Variants in LRRC7 observed in about 807,000 individuals in gnomAD.
LRRC7 encodes the protein leucine-rich repeat-containing protein 7.
In LRRC7, 23 loss-of-function variants were observed where a neutral mutation model predicts 175.7. That is an observed-to-expected ratio of 0.13 (90% CI 0.09 to 0.19). The LOEUF is 0.19. LRRC7 is among the 10% of genes least tolerant of loss of function. The pLI is 1.00. For synonymous variants in LRRC7, 685 were observed against 680.9 expected (o/e 1.01, Z -0.09); for missense variants, 1,354 against 1,904.7 (o/e 0.71, Z 5.38).
intron 4 of LRRC7, among the ~76,000 whole-genome samples, chr1:69,813,696 T>G (rs1399169194): frequency 1.3e-5 from 2 of 152,162 alleles, no homozygotes; most frequent in South Asian, 4.1e-4. Flanking sequence ...AGCCTAGGTT[T>G]GAATATAACC....
chr1:69,780,520 G>T (rs1028676347), intron 3 of LRRC7, among the ~76,000 whole-genome samples: 1 of 152,158 alleles, frequency 6.6e-6, no homozygotes, highest in East Asian at 1.9e-4. Flanking sequence ...AGAGATAAAG[G>T]GAGGGAGAAA....
intron 25 of LRRC7, among the ~76,000 whole-genome samples, chr1:70,095,618 C>T (rs1046692012): frequency 7.9e-5 from 12 of 151,996 alleles, no homozygotes; most frequent in Admixed American, 2.6e-4. Context: ...TGAAAAATGT[C>T]GGTATCTAGA....
chr1:70,024,401 T>C (rs1206292616), intron 17 of LRRC7, among the ~76,000 whole-genome samples: 3 of 151,830 alleles, frequency 2.0e-5, no homozygotes, highest in East Asian at 1.9e-4. Context: ...TGCTAAATTT[T>C]TGGGGGTCTC....
At chr1:70,101,170 C>G (rs114070306) in intron 25 of LRRC7, among the ~76,000 whole-genome samples, 1 of 152,108 alleles carries the variant, frequency 6.6e-6, no homozygotes, top group African/African-American at 2.4e-5. Context: ...AAAATTGAAT[C>G]TATGGCTCTG....
intron 1 of LRRC7, chr1:69,608,449 A>G (rs1243092189): frequency 2.0e-5 from 3 of 152,084 alleles, no homozygotes; most frequent in Non-Finnish European, 2.9e-5. Context: ...TGTCTGCTGT[A>G]GTTGCCCACT....
At chr1:69,581,272 A>G (rs1411076443) in intron 1 of LRRC7, among the ~76,000 whole-genome samples, 5 of 152,292 alleles carry the variant, frequency 3.3e-5, no homozygotes, top group Admixed American at 2.6e-4. Context: ...TGAAGGTGAG[A>G]GTGGAAATAG....
chr1:70,135,423 A>G lies in LRRC7; in HGVS notation c.*13536A>G, dbSNP rs1666828028. Among the ~76,000 whole-genome samples, 1 of 152,220 alleles carries G rather than the reference A, an allele frequency of 6.6e-6. No individual in the cohort carries two copies. Among genetic ancestry groups the G allele is most frequent in the African/African-American group, 2.4e-5 (1 of 41,452 alleles). On this transcript the variant is annotated 3_prime_UTR_variant, in exon 27 of 27. Coordinates refer to ENST00000651989, the MANE Select transcript of LRRC7 (RefSeq NM_001370785.2). ...TAAAGATGTAAAAAGCTCTGCTTTT[A>G]GGTACAACAAATGGAAATATCATCT...
intron 4 of LRRC7, among the ~76,000 whole-genome samples, chr1:69,805,471 G>T (rs1031801669): frequency 6.6e-6 from 1 of 151,774 alleles, no homozygotes; most frequent in South Asian, 2.1e-4. Flanking sequence ...GTGTTCTCTG[G>T]TGTTTGGCAA....
At chr1:69,812,483 A>G (rs1031655464) in intron 4 of LRRC7, among the ~76,000 whole-genome samples, 1 of 151,774 alleles carries the variant, frequency 6.6e-6, no homozygotes, top group East Asian at 1.9e-4. Context: ...TGTTCTTTCT[A>G]TTCTTTAAGT....
chr1:69,937,423 T>C (rs1277509663), intron 8 of LRRC7, among the ~76,000 whole-genome samples: 2 of 152,050 alleles, frequency 1.3e-5, no homozygotes, highest in Non-Finnish European at 2.9e-5. Context: ...TGATATTCCA[T>C]TTTTTCTCTT....
intron 23 of LRRC7, among the ~76,000 whole-genome samples, chr1:70,061,729 T>C (rs1661593190): frequency 6.6e-6 from 1 of 152,072 alleles, no homozygotes. Context: ...TGTGTCCAAA[T>C]AAAAAGAGCC....
rs1487668411 is a variant in LRRC7 at position 70,143,469 on chromosome 1, G to GTA, written c.*21586_*21587dup. 2 of 152,056 alleles carry GTA rather than the reference G, an allele frequency of 1.3e-5. No individual in the cohort carries two copies. The highest frequency in any genetic ancestry group is 2.9e-5 in the Non-Finnish European group (2 of 68,004). The allele number at this position is 152,056 out of a possible 1,614,324, so 9.4% of individuals were successfully genotyped here. ...CATTGACATTTTACATAGACATATT[G>GTA]TATATTAATGCATGCATTTCACTGC... is the stretch of plus-strand genomic sequence containing the variant. On this transcript the variant is annotated 3_prime_UTR_variant, in exon 27 of 27. Transcript: ENST00000651989.
At chr1:69,915,588 A>G (rs557750417) in intron 7 of LRRC7, among the ~76,000 whole-genome samples, 1 of 152,250 alleles carries the variant, frequency 6.6e-6, no homozygotes, top group South Asian at 2.1e-4. Flanking sequence ...GAACATTTGT[A>G]TATTTTGTCT....
intron 2 of LRRC7, among the ~76,000 whole-genome samples, chr1:69,720,653 T>C (rs565676022): frequency 1.3e-5 from 2 of 151,826 alleles, no homozygotes; most frequent in Admixed American, 1.3e-4. Context: ...AAATTCTTTA[T>C]TGTATCTATG....
chr1:69,998,462 T>C (rs1221445045), intron 11 of LRRC7, among the ~76,000 whole-genome samples: 1 of 152,180 alleles, frequency 6.6e-6, no homozygotes, highest in African/African-American at 2.4e-5. Flanking sequence ...TGTGTTTCTC[T>C]GTACAGTTAC....
intron 7 of LRRC7, among the ~76,000 whole-genome samples, chr1:69,891,175 C>A (rs903950212): frequency 2.2e-4 from 33 of 152,304 alleles, no homozygotes; most frequent in African/African-American, 6.5e-4. Context: ...CCTCACTAAG[C>A]TTAACCATTT....
At chr1:69,740,263 T>C (rs981227773) in intron 2 of LRRC7, among the ~76,000 whole-genome samples, 1 of 152,054 alleles carries the variant, frequency 6.6e-6, no homozygotes, top group African/African-American at 2.4e-5. Context: ...GTTAATTTAT[T>C]CTGAAGCCTC....
At chr1:69,926,651 A>G (rs1374965915) in intron 7 of LRRC7, among the ~76,000 whole-genome samples, 2 of 150,006 alleles carry the variant, frequency 1.3e-5, no homozygotes, top group Non-Finnish European at 3.0e-5. Flanking sequence ...TTTTGTTTCC[A>G]TTTGTTTGGT....
chr1:69,617,139 C>T (rs1649762822), intron 1 of LRRC7, among the ~76,000 whole-genome samples: 2 of 152,066 alleles, frequency 1.3e-5, no homozygotes, highest in South Asian at 4.1e-4. Flanking sequence ...TGGTCAGTTT[C>T]ATTGTTAATG....
Sources: gnomAD v4.1 joint callset for allele counts (sites outside exome capture counted in the v4.1 genomes callset) on GRCh38, gnomAD v4.1.1 for gene constraint, MANE v1.5 for transcripts, NCBI Gene and HGNC (gene_info 2026-07-23, HGNC 2026-07-21) for gene names.